The following VWA8 variants were observed in gnomAD, a reference collection of about 807,000 sequenced individuals.
The protein encoded by VWA8 is von Willebrand factor A domain containing 8.
In VWA8, 221 loss-of-function variants were observed where a neutral mutation model predicts 241.5. That is an observed-to-expected ratio of 0.91 (90% CI 0.82 to 1.02). VWA8 has a LOEUF of 1.02. Ranked by LOEUF, VWA8 falls within the 50% of genes least tolerant of loss-of-function variation. VWA8 has a pLI of 0.00. For missense variants in VWA8, 2,322 were observed against 2,328.7 expected, an observed-to-expected ratio of 1.00 and a Z score of 0.06; for synonymous variants, 852 against 827.1, an observed-to-expected ratio of 1.03 and a Z score of -0.52.
At position 41,881,372 on chromosome 13, in the gene VWA8, C is replaced by CCGGGGG. The variant is rs1491423444; in HGVS notation, c.1080+2014_1080+2015insCCCCCG. Among the ~76,000 whole-genome samples the CCGGGGG allele has an allele frequency of 2.4e-4, 2 of 8,292 alleles. 1 individual carries two copies. Among genetic ancestry groups the CCGGGGG allele is most frequent in the Non-Finnish European group, 3.7e-4 (2 of 5,388 alleles). The allele number at this position is 8,292 out of a possible 152,430, so 5.4% of individuals were successfully genotyped here. On this transcript the variant is annotated intron_variant, in intron 9 of 44. Coordinates refer to ENST00000379310, the MANE Select transcript of VWA8 (RefSeq NM_015058.2). ...CTAGAACATCATAGTTTTTTTTTGC[C>CCGGGGG]GGGGGGGGGGGGGGGGGGGTAAGGT...
chr13:41,597,981 A>G (rs563775396), intron 40 of VWA8, among the ~76,000 whole-genome samples: 5 of 152,200 alleles, frequency 3.3e-5, no homozygotes, highest in Non-Finnish European at 7.4e-5. Flanking sequence ...TCTCTCCCCT[A>G]GAGCACTGCA....
chr13:41,857,905 T>G (rs1315377281), intron 12 of VWA8, among the ~76,000 whole-genome samples: 1 of 152,210 alleles, frequency 6.6e-6, no homozygotes, highest in Middle Eastern at 3.2e-3. Context: ...TTCCTCAATA[T>G]GGGTGGGCTT....
intron 40 of VWA8, among the ~76,000 whole-genome samples, chr13:41,603,717 C>T (rs2044536410): frequency 6.6e-6 from 1 of 152,048 alleles, no homozygotes; most frequent in African/African-American, 2.4e-5. Context: ...CTTTTCTCAG[C>T]CATACCAAAT....
rs570499255 is a variant in VWA8, at chr13:41,580,956, C to T, written c.5272-5118G>A. The stretch of plus-strand genomic sequence containing the variant: ...GGAACACCTAATGCCTTGTTTTCTT[C>T]TGTCAAGGGAGAGTGAGTCATCTAT... On this transcript the variant is annotated intron_variant, in intron 42 of 44. Coordinates refer to ENST00000379310, the MANE Select transcript of VWA8 (RefSeq NM_015058.2). Among the ~76,000 whole-genome samples the T allele has an allele frequency of 2.8e-4, 42 of 152,228 alleles. No individual in the cohort carries two copies. In the East Asian group the frequency reaches 7.9e-3, roughly 29 times the overall value.
At chr13:41,679,956 A>G (rs568190427) in intron 35 of VWA8, among the ~76,000 whole-genome samples, 8 of 144,562 alleles carry the variant, frequency 5.5e-5, no homozygotes, top group African/African-American at 1.8e-4. Flanking sequence ...TTGATGTTTC[A>G]GCTTCAGGTA....
At chr13:41,732,004 T>C in intron 22 of VWA8, 76 bp downstream of exon 22, 1 of 1,280,494 alleles carries the variant, frequency 7.8e-7, no homozygotes, top group South Asian at 1.2e-5. Context: ...CCATGAGAGT[T>C]CCATCCTCCA....
chr13:41,867,260 T>C (rs1273828597), intron 10 of VWA8, among the ~76,000 whole-genome samples: 2 of 152,222 alleles, frequency 1.3e-5, no homozygotes, highest in Non-Finnish European at 2.9e-5. Context: ...TAGCTCAAGC[T>C]TCATCTTCTC....
chr13:41,774,373 CCT>C (rs2137924754), intron 20 of VWA8, among the ~76,000 whole-genome samples: 1 of 152,292 alleles, frequency 6.6e-6, no homozygotes, highest in African/African-American at 2.4e-5. Context: ...AAACTCCTGG[CCT>C]CAACTGATCC....
intron 37 of VWA8, among the ~76,000 whole-genome samples, chr13:41,636,735 C>A (rs2044759954): frequency 6.6e-6 from 1 of 152,070 alleles, no homozygotes; most frequent in Non-Finnish European, 1.5e-5. Context: ...AAAAACAACC[C>A]CATCAACAAG....
At chr13:41,783,281 C>A (rs1040177159) in intron 19 of VWA8, among the ~76,000 whole-genome samples, 1 of 150,174 alleles carries the variant, frequency 6.7e-6, no homozygotes, top group Admixed American at 6.6e-5. Context: ...CTAATCATAG[C>A]AACCATTCCT....
intron 17 of VWA8, among the ~76,000 whole-genome samples, chr13:41,797,196 ATT>A (rs11400380): frequency 5.7e-5 from 8 of 140,414 alleles, no homozygotes; most frequent in African/African-American, 5.4e-5. Context: ...ACACCCAAGT[ATT>A]TTTTTTTTTT....
chr13:41,670,814 TAA>T, intron 37 of VWA8, 130 bp downstream of exon 37: 1 of 1,000,506 alleles, frequency 1.0e-6, no homozygotes, highest in Non-Finnish European at 1.4e-6. Flanking sequence ...ATTTTGTATC[TAA>T]AAATTCTTTT....
chr13:41,751,898 G>T (rs1231909034), intron 21 of VWA8, among the ~76,000 whole-genome samples: 1 of 152,056 alleles, frequency 6.6e-6, no homozygotes, highest in Non-Finnish European at 1.5e-5. Context: ...GACCACAGGG[G>T]AGCTTGACCT....
chr13:41,609,764 ACTC>A (rs1260205434), intron 39 of VWA8, among the ~76,000 whole-genome samples: 1 of 151,332 alleles, frequency 6.6e-6, no homozygotes, highest in East Asian at 1.9e-4. Context: ...CGCTTGGCCA[ACTC>A]CTCTGTCTTT....
intron 40 of VWA8, among the ~76,000 whole-genome samples, chr13:41,592,820 C>T (rs1451836970): frequency 6.6e-6 from 1 of 151,362 alleles, no homozygotes; most frequent in East Asian, 1.9e-4. Context: ...AAGCAAATTA[C>T]TTAACCTGTC....
intron 28 of VWA8, among the ~76,000 whole-genome samples, chr13:41,700,395 AT>A (rs34719853): frequency 2.7e-4 from 40 of 149,682 alleles, no homozygotes; most frequent in Non-Finnish European, 2.6e-4. Flanking sequence ...AAAAAGACCT[AT>A]TTTTTTAGGA....
intron 37 of VWA8, among the ~76,000 whole-genome samples, chr13:41,649,686 T>C (rs1366457374): frequency 1.3e-5 from 2 of 152,134 alleles, no homozygotes; most frequent in African/African-American, 4.8e-5. Context: ...GAATGTTATT[T>C]TTTTCTACTG....
chr13:41,583,575 G>A lies in VWA8; in HGVS notation c.5271+3937C>T, dbSNP rs191041919. On this transcript the variant is annotated intron_variant, in intron 42 of 44. Coordinates refer to ENST00000379310, the MANE Select transcript of VWA8 (RefSeq NM_015058.2). ...GAAGAATCGCTTGAACCTGGGAGGC[G>A]GAGGCTGCAGTGAGCCGAGATCACG... Among the ~76,000 whole-genome samples the A allele has an allele frequency of 3.1e-3, 470 of 150,976 alleles. 2 individuals carry two copies. The highest frequency in any genetic ancestry group is 0.011 in the African/African-American group (441 of 41,094).
At chr13:41,605,931 T>C (rs1050528420) in intron 39 of VWA8, among the ~76,000 whole-genome samples, 1 of 152,134 alleles carries the variant, frequency 6.6e-6, no homozygotes, top group Non-Finnish European at 1.5e-5. Flanking sequence ...TATCAGTTTT[T>C]ATCATTTGCT....
Sources: allele counts gnomAD v4.1 joint callset (sites outside exome capture counted in the v4.1 genomes callset), GRCh38; gene constraint gnomAD v4.1.1; transcripts MANE v1.5; gene names NCBI Gene and HGNC (gene_info 2026-07-23, HGNC 2026-07-21).